CFAP299: variants seen among roughly 807,000 people sequenced by gnomAD.
CFAP299 encodes the protein cilia- and flagella-associated protein 299.
CFAP299 carries 21 observed loss-of-function variants against 27.0 expected under a neutral mutation model. The ratio of observed to expected loss-of-function variants is 0.78; its 90% CI spans 0.55 to 1.12. The LOEUF (loss-of-function observed/expected upper bound fraction) is 1.12, where lower values mean the gene tolerates loss of function less well. CFAP299 is among the 50% of genes most tolerant of loss of function. The probability of loss-of-function intolerance (pLI) is 0.00; values close to 1 mark genes in which losing one functional copy is unlikely to be tolerated. For missense variants in CFAP299, 310 were observed against 276.6 expected, an observed-to-expected ratio of 1.12 and a Z score of -0.86; for synonymous variants, 104 against 98.1, an observed-to-expected ratio of 1.06 and a Z score of -0.36.
chr4:80,411,861 A>G (rs1315769677), intron 2 of CFAP299, among the ~76,000 whole-genome samples: 1 of 152,170 alleles, frequency 6.6e-6, no homozygotes. Flanking sequence ...TATAACAGTA[A>G]TAATAAATAG....
At chr4:80,822,971 G>A (rs1729787015) in intron 3 of CFAP299, among the ~76,000 whole-genome samples, 1 of 152,076 alleles carries the variant, frequency 6.6e-6, no homozygotes, top group African/African-American at 2.4e-5. Flanking sequence ...CTTACGTGAA[G>A]TTTTAGGAAT....
At chr4:80,815,973 C>T (rs1445751000) in intron 3 of CFAP299, among the ~76,000 whole-genome samples, 2 of 151,784 alleles carry the variant, frequency 1.3e-5, no homozygotes, top group Non-Finnish European at 2.9e-5. Context: ...ACAAGACAGG[C>T]TTTGCTACTT....
rs1202148029 is a variant in CFAP299, at chr4:80,447,125, T to TG, written c.242+84241_242+84242insG. Among the ~76,000 whole-genome samples the TG allele has an allele frequency of 5.2e-4, 62 of 118,260 alleles. 1 individual carries two copies. The highest frequency in any genetic ancestry group is 2.0e-3 in the African/African-American group (59 of 28,828). The allele number at this position is 118,260 out of a possible 152,430, so 77.6% of individuals were successfully genotyped here. A position where few individuals can be genotyped will look rare whatever the true frequency, so the allele number is the denominator to read the frequency against. On this transcript the variant is annotated intron_variant, in intron 2 of 5. Transcript: ENST00000358105. ...TTGTTTTTGCTTTTTATTTGTTTTT[T>TG]TTTTGTTTTTTTTTTTTTTTTTTTT...
intron 2 of CFAP299, among the ~76,000 whole-genome samples, chr4:80,475,919 AG>A (rs906913324): frequency 1.3e-5 from 2 of 152,214 alleles, no homozygotes; most frequent in Non-Finnish European, 2.9e-5. Flanking sequence ...GCTGAGTGAA[AG>A]CCAGGAGAAT....
chr4:80,662,482 T>C (rs1036820518), intron 3 of CFAP299, among the ~76,000 whole-genome samples: 6 of 151,394 alleles, frequency 4.0e-5, no homozygotes, highest in Non-Finnish European at 5.9e-5. Context: ...TAGAGGATAA[T>C]AGGCATCTCA....
rs141081918 is a variant in CFAP299 at position 80,571,953 on chromosome 4, A to G, written c.243-11140A>G. Among the ~76,000 whole-genome samples, 26 of 152,346 alleles carry G rather than the reference A, an allele frequency of 1.7e-4. 2 individuals carry two copies. The East Asian group carries it at 5.0e-3, about 29-fold the overall frequency. On this transcript the variant is annotated intron_variant, in intron 2 of 5. Coordinates refer to ENST00000358105, the MANE Select transcript of CFAP299 (RefSeq NM_152770.3). ...CCAAACTGCCTAATACAGAGCAAATACACAATGATACATTGAGAGAAGGAA... is the reference window on the plus strand; with the variant it reads ...CCAAACTGCCTAATACAGAGCAAATGCACAATGATACATTGAGAGAAGGAA...
chr4:80,433,171 A>C (rs1192757502), intron 2 of CFAP299, among the ~76,000 whole-genome samples: 1 of 152,160 alleles, frequency 6.6e-6, no homozygotes, highest in African/African-American at 2.4e-5. Context: ...ACAGAGGAAA[A>C]AAAAAGATTC....
the CFAP299 span, among the ~76,000 whole-genome samples, chr4:80,323,614 A>G: frequency 6.6e-6 from 1 of 152,278 alleles, no homozygotes; most frequent in Middle Eastern, 3.4e-3. Context: ...AGAATTGATT[A>G]ACATATGGAG....
At chr4:80,365,434 T>C (rs1182635053) in intron 2 of CFAP299, among the ~76,000 whole-genome samples, 3 of 152,164 alleles carry the variant, frequency 2.0e-5, no homozygotes, top group African/African-American at 7.2e-5. Flanking sequence ...GACCTTTTGG[T>C]ATGTAATGCA....
chr4:80,692,484 C>G (rs1045228672), intron 3 of CFAP299, among the ~76,000 whole-genome samples: 1 of 152,180 alleles, frequency 6.6e-6, no homozygotes, highest in African/African-American at 2.4e-5. Flanking sequence ...GGAAAACTGG[C>G]TAGCCATATG....
At chr4:80,446,375 C>T (rs1368657271) in intron 2 of CFAP299, among the ~76,000 whole-genome samples, 2 of 152,184 alleles carry the variant, frequency 1.3e-5, no homozygotes, top group African/African-American at 4.8e-5. Context: ...AGGAAATTCC[C>T]AAGAGGCTGA....
intron 1 of CFAP299, among the ~76,000 whole-genome samples, chr4:80,346,849 T>C (rs988593420): frequency 6.6e-6 from 1 of 152,246 alleles, no homozygotes; most frequent in African/African-American, 2.4e-5. Context: ...ATTGAATCTA[T>C]AAATTACCTT....
intron 2 of CFAP299, among the ~76,000 whole-genome samples, chr4:80,452,837 A>G (rs1728966361): frequency 6.6e-6 from 1 of 152,216 alleles, no homozygotes; most frequent in Non-Finnish European, 1.5e-5. Context: ...ATCTTCAGAG[A>G]TGTGAATTTA....
At chr4:80,768,407 C>CAA (rs1274906190) in intron 3 of CFAP299, among the ~76,000 whole-genome samples, 1 of 152,170 alleles carries the variant, frequency 6.6e-6, no homozygotes, top group Non-Finnish European at 1.5e-5. Context: ...TCTAATCCAT[C>CAA]AAACACATAA....
intron 4 of CFAP299, among the ~76,000 whole-genome samples, chr4:80,885,487 G>A (rs935896100): frequency 5.3e-5 from 8 of 152,180 alleles, no homozygotes; most frequent in Admixed American, 2.0e-4. Flanking sequence ...AAGGTCAGGA[G>A]AGAGAAAAGA....
At chr4:80,380,271 T>G (rs1316744173) in intron 2 of CFAP299, among the ~76,000 whole-genome samples, 5 of 152,122 alleles carry the variant, frequency 3.3e-5, no homozygotes, top group Admixed American at 6.5e-5. Flanking sequence ...AAAATACATT[T>G]ACAAAGCTTA....
At chr4:80,439,741 T>G (rs1728262634) in intron 2 of CFAP299, among the ~76,000 whole-genome samples, 1 of 152,070 alleles carries the variant, frequency 6.6e-6, no homozygotes. Flanking sequence ...AGCCAAGTGG[T>G]CTTGTTCAGC....
At chr4:80,459,936 A>G (rs1039311614) in intron 2 of CFAP299, among the ~76,000 whole-genome samples, 1 of 152,328 alleles carries the variant, frequency 6.6e-6, no homozygotes, top group Admixed American at 6.5e-5. Flanking sequence ...AGAAAAAGCC[A>G]TAAAATTTAT....
rs143501721 is a variant in CFAP299, at chr4:80,904,560, C to T, written c.476+34425C>T. On this transcript the variant is annotated intron_variant, in intron 4 of 5. Transcript: ENST00000358105. ...CAAAGGACATTTCCTTGGGACTTGA[C>T]TTTTTTCTTGATTAATATGGTAAGA... 1.5e-4 allele frequency among the ~76,000 whole-genome samples: 22 copies of T among 151,708 alleles called. No homozygotes were observed. In the East Asian group the frequency reaches 4.1e-3, roughly 28 times the overall value.
Sources: allele counts gnomAD v4.1 joint callset (sites outside exome capture counted in the v4.1 genomes callset), GRCh38; gene constraint gnomAD v4.1.1; transcripts MANE v1.5; gene names NCBI Gene and HGNC (gene_info 2026-07-23, HGNC 2026-07-21).